Variants in WWOX observed in about 807,000 individuals in gnomAD.
WWOX encodes the protein WW domain-containing oxidoreductase.
A neutral mutation model predicts 46.2 loss-of-function variants in WWOX; 69 were observed. The observed-to-expected ratio is 1.49, with a 90% confidence interval of 1.23 to 1.82. The LOEUF is 1.82. Ranked by LOEUF, WWOX falls within the 40% of genes most tolerant of loss-of-function variation. The pLI, the probability that WWOX is intolerant of heterozygous loss-of-function variation, is 0.00. For missense variants in WWOX, 919 were observed against 542.6 expected (o/e 1.69, Z -6.89); for synonymous variants, 359 against 202.6 (o/e 1.77, Z -6.56).
chr16:78,773,894 G>C (rs1465146463), intron 8 of WWOX, among the ~76,000 whole-genome samples: 1 of 152,182 alleles, frequency 6.6e-6, no homozygotes, highest in Non-Finnish European at 1.5e-5. Context: ...ACTTGTATGG[G>C]AGATCCAGAA....
intron 5 of WWOX, among the ~76,000 whole-genome samples, chr16:78,330,627 C>T (rs951069715): frequency 6.6e-6 from 1 of 152,194 alleles, no homozygotes; most frequent in Non-Finnish European, 1.5e-5. Context: ...GATCTTTTGA[C>T]CTCGTGATCC....
rs191534955 is a variant in WWOX, at chr16:78,387,007, C to G, written c.605+59C>G. The G allele has an allele frequency of 2.3e-3, 3,450 of 1,511,864 alleles. 5 individuals are homozygous for G. Among genetic ancestry groups the G allele is most frequent in the Non-Finnish European group, 3.0e-3 (3,212 of 1,086,916 alleles). 93.7% of individuals were successfully genotyped at this position (1,511,864 alleles called of 1,614,324 possible). On this transcript the variant is annotated intron_variant, in intron 6 of 8. Transcript: ENST00000566780. ...TTTCTTGCTATTGTAATATCTTTAT[C>G]AGATGAACACAATTGGGAGAATGCA...
chr16:78,422,774 C>CATATATATATATACACACAT lies in WWOX; in HGVS notation c.606-2085_606-2084insTACACACATATATATATATA, dbSNP rs771499867. On this transcript the variant is annotated intron_variant, in intron 6 of 8. Transcript: ENST00000566780. ...ACATATATACACATATATATACACA[C>CATATATATATATACACACAT]ATATATATATACACACACACATATA... 8.8e-5 allele frequency among the ~76,000 whole-genome samples: 10 copies of CATATATATATATACACACAT among 113,832 alleles called. 1 individual carries two copies. In the East Asian group the frequency reaches 1.9e-3, roughly 21 times the overall value. The allele number at this position is 113,832 out of a possible 152,430, so 74.7% of individuals were successfully genotyped here.
chr16:78,982,286 C>G (rs2046698101), intron 8 of WWOX, among the ~76,000 whole-genome samples: 1 of 152,170 alleles, frequency 6.6e-6, no homozygotes, highest in South Asian at 2.1e-4. Flanking sequence ...ATCACTTTGA[C>G]TTTGAAAGCG....
chr16:78,488,986 G>A (rs1441974427), intron 8 of WWOX, among the ~76,000 whole-genome samples: 6 of 152,142 alleles, frequency 3.9e-5, no homozygotes, highest in African/African-American at 1.4e-4. Flanking sequence ...GTAGAACACA[G>A]AACTTCGCAG....
In WWOX at chr16:78,483,655, T is replaced by C. The variant is rs150403362; in HGVS notation, c.1056+50903T>C. Among the ~76,000 whole-genome samples, 717 of 152,308 alleles carry C rather than the reference T, an allele frequency of 4.7e-3. 1 individual carries two copies. The highest frequency in any genetic ancestry group is 0.014 in the Admixed American group (209 of 15,298). On this transcript the variant is annotated intron_variant, in intron 8 of 8. Transcript: ENST00000566780. ...CTGCATCGCTTACCAATATTTCATC[T>C]GTTTCACTTAGCTGCTGTTACTTAC...
At chr16:78,904,495 C>A (rs1037616803) in intron 8 of WWOX, among the ~76,000 whole-genome samples, 1 of 152,004 alleles carries the variant, frequency 6.6e-6, no homozygotes, top group African/African-American at 2.4e-5. Flanking sequence ...CCCCAGCCTC[C>A]CAAAGTGCTG....
intron 8 of WWOX, among the ~76,000 whole-genome samples, chr16:79,085,941 A>G (rs899513984): frequency 6.6e-6 from 1 of 151,948 alleles, no homozygotes; most frequent in East Asian, 1.9e-4. Context: ...AGTCCCAGCT[A>G]CTCACCTGTA....
At chr16:78,518,223 AT>A (rs1355179910) in intron 8 of WWOX, among the ~76,000 whole-genome samples, 2 of 151,812 alleles carry the variant, frequency 1.3e-5, no homozygotes, top group Admixed American at 6.6e-5. Context: ...ATTATTATTA[AT>A]GTTATTTTTT....
intron 8 of WWOX, among the ~76,000 whole-genome samples, chr16:78,575,884 A>G (rs2044866828): frequency 6.6e-6 from 1 of 151,610 alleles, no homozygotes; most frequent in Non-Finnish European, 1.5e-5. Flanking sequence ...CAATTTTCGT[A>G]AGGTTACATC....
chr16:79,087,893 G>C (rs969259155), intron 8 of WWOX, among the ~76,000 whole-genome samples: 10 of 152,172 alleles, frequency 6.6e-5, no homozygotes, highest in African/African-American at 2.2e-4. Flanking sequence ...GGATGTGGAA[G>C]GATGTTCTGG....
At chr16:78,193,465 T>C (rs1028366148) in intron 5 of WWOX, among the ~76,000 whole-genome samples, 3 of 152,256 alleles carry the variant, frequency 2.0e-5, no homozygotes, top group South Asian at 2.1e-4. Flanking sequence ...ACTAGTCTTA[T>C]TTCTGAGAAT....
At chr16:78,715,832 C>A (rs1179024047) in intron 8 of WWOX, among the ~76,000 whole-genome samples, 3 of 152,154 alleles carry the variant, frequency 2.0e-5, no homozygotes, top group African/African-American at 7.2e-5. Context: ...TATCAACTCC[C>A]TTCTGCATGT....
chr16:78,476,891 TC>T (rs2084362573), intron 8 of WWOX, among the ~76,000 whole-genome samples: 1 of 152,126 alleles, frequency 6.6e-6, no homozygotes, highest in Non-Finnish European at 1.5e-5. Flanking sequence ...ATCTTCTTCC[TC>T]CCTCTTCTCT....
chr16:78,288,127 G>A (rs2079800101), intron 5 of WWOX, among the ~76,000 whole-genome samples: 1 of 152,144 alleles, frequency 6.6e-6, no homozygotes. Flanking sequence ...GACACTTCGT[G>A]TGGTCACCTC....
intron 8 of WWOX, among the ~76,000 whole-genome samples, chr16:78,615,839 C>A (rs563339735): frequency 2.6e-5 from 4 of 151,794 alleles, no homozygotes; most frequent in Non-Finnish European, 5.9e-5. Context: ...TAAGCTCCGC[C>A]TCCCGAGTTC....
chr16:78,164,977 C>T (rs1597293526), intron 5 of WWOX, among the ~76,000 whole-genome samples: 2 of 152,248 alleles, frequency 1.3e-5, no homozygotes, highest in South Asian at 4.2e-4. Flanking sequence ...GTAAGCCATG[C>T]AGATGTCAAG....
chr16:78,321,328 G>GTA lies in WWOX; in HGVS notation c.517-65526_517-65525dup, dbSNP rs1168246317. Among the ~76,000 whole-genome samples, 276 of 66,268 alleles carry GTA rather than the reference G, an allele frequency of 4.2e-3. 21 individuals carry two copies. Among genetic ancestry groups the GTA allele is most frequent in the African/African-American group, 0.017 (172 of 10,010 alleles). The allele number at this position is 66,268 out of a possible 152,430, so 43.5% of individuals were successfully genotyped here. On this transcript the variant is annotated intron_variant, in intron 5 of 8. Transcript: ENST00000566780. Reference sequence around the variant, plus strand: ...CGTATATATATGCGTATATATATACGTATATATGCGTATATATATACGTAT... The same window carrying GTA: ...CGTATATATATGCGTATATATATACGTATATATATGCGTATATATATACGTAT...
chr16:78,470,758 A>G (rs1377609218), intron 8 of WWOX, among the ~76,000 whole-genome samples: 1 of 151,836 alleles, frequency 6.6e-6, no homozygotes, highest in African/African-American at 2.4e-5. Context: ...TGAACTCCTG[A>G]CCTCAGGTGA....
Sources: allele counts gnomAD v4.1 joint callset (sites outside exome capture counted in the v4.1 genomes callset), GRCh38; gene constraint gnomAD v4.1.1; transcripts MANE v1.5; gene names NCBI Gene and HGNC (gene_info 2026-07-23, HGNC 2026-07-21).